RORA: variants seen among roughly 807,000 people sequenced by gnomAD.
RORA encodes RAR related orphan receptor A.
Under a neutral mutation model 69.5 loss-of-function variants are expected in RORA, and 7 were observed. The ratio of observed to expected loss-of-function variants is 0.10; its 90% CI spans 0.06 to 0.19. The LOEUF (loss-of-function observed/expected upper bound fraction) is 0.19, where lower values mean the gene tolerates loss of function less well. Among genes scored for constraint, RORA ranks in the 10% least tolerant of loss-of-function variants. RORA has a pLI of 1.00. For synonymous variants in RORA, 261 were observed against 240.8 expected (o/e 1.08, Z -0.78); for missense variants, 457 against 663.0 (o/e 0.69, Z 3.41).
At chr15:60,877,755 T>C (rs1454352688) in intron 1 of RORA, among the ~76,000 whole-genome samples, 1 of 152,126 alleles carries the variant, frequency 6.6e-6, no homozygotes, top group African/African-American at 2.4e-5. Context: ...TAAAATAAAT[T>C]AATAAAATAA....
At chr15:60,981,499 C>A (rs1375058104) in intron 1 of RORA, among the ~76,000 whole-genome samples, 1 of 151,968 alleles carries the variant, frequency 6.6e-6, no homozygotes, top group Non-Finnish European at 1.5e-5. Flanking sequence ...TCATCTTTTT[C>A]TTTCTTGTTC....
At chr15:61,185,681 C>T (rs1383872888) in intron 1 of RORA, among the ~76,000 whole-genome samples, 1 of 152,242 alleles carries the variant, frequency 6.6e-6, no homozygotes, top group African/African-American at 2.4e-5. Flanking sequence ...TAAACTACCA[C>T]TCTGTTCCAT....
chr15:61,226,187 T>C lies in RORA; in HGVS notation c.166+2866A>G, dbSNP rs1415409688. On this transcript the variant is annotated intron_variant, in intron 1 of 10. Transcript: ENST00000335670. The surrounding 1 kb of genome is among the most constrained non-coding windows in gnomAD (Gnocchi z 4.2). ...ATGAGAATTCAGACCACAATTTCTG[T>C]GGACTTCAAACACTGACTGGGTAGA... is the stretch of plus-strand genomic sequence containing the variant. Among the ~76,000 whole-genome samples the C allele has an allele frequency of 6.6e-6, 1 of 152,198 alleles. No homozygotes were observed. Among genetic ancestry groups the C allele is most frequent in the African/African-American group, 2.4e-5 (1 of 41,460 alleles).
intron 2 of RORA, among the ~76,000 whole-genome samples, chr15:60,674,723 CGAAGA>C (rs978630071): frequency 6.6e-6 from 1 of 152,098 alleles, no homozygotes; most frequent in Non-Finnish European, 1.5e-5. Context: ...AAAATATTTC[CGAAGA>C]TTCAGAGGCG....
intron 1 of RORA, among the ~76,000 whole-genome samples, chr15:61,094,437 G>A (rs1052424888): frequency 3.3e-5 from 5 of 152,126 alleles, no homozygotes; most frequent in Non-Finnish European, 5.9e-5. Context: ...GCTGTCTGGT[G>A]TGTTTTAAGA....
intron 2 of RORA, among the ~76,000 whole-genome samples, chr15:60,563,728 A>G (rs748598605): frequency 7.9e-5 from 12 of 151,744 alleles, no homozygotes; most frequent in Admixed American, 3.3e-4. Flanking sequence ...GCTTCAAACC[A>G]TGGCTTTTCC....
At chr15:61,139,408 A>C (rs967794680) in intron 1 of RORA, among the ~76,000 whole-genome samples, 1 of 152,262 alleles carries the variant, frequency 6.6e-6, no homozygotes, top group Non-Finnish European at 1.5e-5. Context: ...AGTCTTGCTT[A>C]CTTTCTTAGA....
intron 3 of RORA, among the ~76,000 whole-genome samples, chr15:60,521,501 A>G (rs1027073375): frequency 1.3e-5 from 2 of 152,048 alleles, no homozygotes; most frequent in African/African-American, 4.8e-5. Context: ...CGGCCTCCCA[A>G]AGTGCTCGGA....
chr15:61,012,993 A>G (rs1895138353), intron 1 of RORA, among the ~76,000 whole-genome samples: 1 of 152,188 alleles, frequency 6.6e-6, no homozygotes, highest in Non-Finnish European at 1.5e-5. Context: ...TTTTAATTAC[A>G]ATCACAGGCA....
chr15:60,923,986 G>C (rs571459867), intron 1 of RORA, among the ~76,000 whole-genome samples: 1 of 152,190 alleles, frequency 6.6e-6, no homozygotes, highest in African/African-American at 2.4e-5. Context: ...GTGTGAGCAC[G>C]GGGCAGTGTG....
intron 1 of RORA, among the ~76,000 whole-genome samples, chr15:60,896,959 A>C (rs13313486): frequency 6.6e-6 from 1 of 151,844 alleles, no homozygotes; most frequent in Non-Finnish European, 1.5e-5. Flanking sequence ...TCAGGGAGAG[A>C]TGGTCAGGAC....
chr15:60,938,427 C>T (rs750666541), intron 1 of RORA, among the ~76,000 whole-genome samples: 27 of 152,158 alleles, frequency 1.8e-4, no homozygotes, highest in African/African-American at 4.6e-4. Context: ...AATATAGTAC[C>T]TGTGAAGGTG....
At chr15:60,560,250 AT>A (rs1182164297) in intron 2 of RORA, among the ~76,000 whole-genome samples, 1 of 152,032 alleles carries the variant, frequency 6.6e-6, no homozygotes, top group Admixed American at 6.5e-5. Flanking sequence ...TATTTCTAAA[AT>A]TTTTTCTTTT....
chr15:60,880,825 G>A (rs985773929), intron 1 of RORA, among the ~76,000 whole-genome samples: 2 of 152,146 alleles, frequency 1.3e-5, no homozygotes, highest in African/African-American at 2.4e-5. Flanking sequence ...TTTAATACGT[G>A]TCTGACCTGA....
At chr15:60,611,886 C>T (rs958241461) in intron 2 of RORA, among the ~76,000 whole-genome samples, 1 of 152,188 alleles carries the variant, frequency 6.6e-6, no homozygotes, top group South Asian at 2.1e-4. Context: ...TGTCACGCAG[C>T]GGAAGGCCAA....
At chr15:60,964,917 C>A (rs995959696) in intron 1 of RORA, among the ~76,000 whole-genome samples, 1 of 152,102 alleles carries the variant, frequency 6.6e-6, no homozygotes, top group Non-Finnish European at 1.5e-5. Flanking sequence ...GTAAGGAGAG[C>A]TCTTGTTTGA....
intron 2 of RORA, among the ~76,000 whole-genome samples, chr15:60,656,178 C>T (rs9630427): frequency 0.57 from 85,976 of 152,022 alleles, 24,430 homozygotes; most frequent in East Asian, 0.72. Context: ...TGGGAGACCA[C>T]GCAGTCCTGC....
intron 1 of RORA, among the ~76,000 whole-genome samples, chr15:60,887,889 C>T (rs2073769224): frequency 6.6e-6 from 1 of 152,224 alleles, no homozygotes; most frequent in African/African-American, 2.4e-5. Flanking sequence ...CATCTTACTT[C>T]ACATAGTCTA....
rs943484563 is a variant in RORA at position 61,000,357 on chromosome 15, C to T, written c.166+228696G>A. ...GCCTGGGAACAGATTGTTCTACTGA[C>T]CAGCCAACTAATGTAAAAGATGAGA... is the stretch of plus-strand genomic sequence containing the variant. On this transcript the variant is annotated intron_variant, in intron 1 of 10. Coordinates refer to ENST00000335670, the MANE Select transcript of RORA (RefSeq NM_134261.3). 2.6e-5 allele frequency among the ~76,000 whole-genome samples: 4 copies of T among 152,146 alleles called. No homozygotes were observed. In the South Asian group the frequency reaches 8.3e-4, roughly 32 times the overall value.
Sources: allele counts gnomAD v4.1 joint callset (sites outside exome capture counted in the v4.1 genomes callset), GRCh38; gene constraint gnomAD v4.1.1; non-coding constraint Gnocchi (gnomAD v3.1); transcripts MANE v1.5; gene names NCBI Gene and HGNC (gene_info 2026-07-23, HGNC 2026-07-21).